Variants in HECW1 observed in about 807,000 individuals in gnomAD.
HECW1 encodes E3 ubiquitin-protein ligase HECW1.
A neutral mutation model predicts 182.3 loss-of-function variants in HECW1; 61 were observed. The ratio of observed to expected loss-of-function variants is 0.33; its 90% CI spans 0.27 to 0.41. The LOEUF (loss-of-function observed/expected upper bound fraction) is 0.41, where lower values mean the gene tolerates loss of function less well. Ranked by LOEUF, HECW1 falls within the 10% of genes least tolerant of loss-of-function variation. The probability of loss-of-function intolerance (pLI) is 1.00; values close to 1 mark genes in which losing one functional copy is unlikely to be tolerated. For synonymous variants in HECW1, 859 were observed against 832.6 expected (o/e 1.03, Z -0.55); for missense variants, 1,739 against 2,108.9 (o/e 0.82, Z 3.44).
chr7:43,325,575 C>T (rs906634611), intron 5 of HECW1, among the ~76,000 whole-genome samples: 1 of 152,130 alleles, frequency 6.6e-6, no homozygotes, highest in Non-Finnish European at 1.5e-5. Context: ...CTGATTACAG[C>T]AAAAAGAGAC....
intron 19 of HECW1, among the ~76,000 whole-genome samples, chr7:43,493,873 T>C (rs1214710897): frequency 2.0e-5 from 3 of 152,206 alleles, no homozygotes; most frequent in Non-Finnish European, 2.9e-5. Context: ...GGAGGCGTGT[T>C]ATTCAACTCT....
chr7:43,540,320 T>C (rs1000224147), intron 24 of HECW1, among the ~76,000 whole-genome samples: 2 of 152,038 alleles, frequency 1.3e-5, no homozygotes, highest in African/African-American at 4.8e-5. Flanking sequence ...CCAGGAAGAC[T>C]CCAGTTATGA....
chr7:43,547,845 T>A (rs768482553), intron 26 of HECW1, among the ~76,000 whole-genome samples: 1 of 152,258 alleles, frequency 6.6e-6, no homozygotes, highest in South Asian at 2.1e-4. Context: ...GGTCCCACAA[T>A]GTTATTCAAA....
intron 3 of HECW1, among the ~76,000 whole-genome samples, chr7:43,281,609 C>G (rs890876935): frequency 6.6e-6 from 1 of 152,040 alleles, no homozygotes; most frequent in Non-Finnish European, 1.5e-5. Context: ...CACTCTCCCT[C>G]AAATGCACTG....
At chr7:43,188,067 T>C (rs11772780) in intron 2 of HECW1, among the ~76,000 whole-genome samples, 36,667 of 152,040 alleles carry the variant, frequency 0.24, 4,621 homozygotes, top group Middle Eastern at 0.27. Flanking sequence ...ATGACAGGAG[T>C]GGCTTACCTT....
At chr7:43,244,009 G>T (rs967669601) in intron 3 of HECW1, 77 bp downstream of exon 3, 2 of 1,196,070 alleles carry the variant, frequency 1.7e-6, no homozygotes, top group Non-Finnish European at 2.5e-6. Flanking sequence ...AATGGAATGT[G>T]CCTCAGCCTA....
intron 20 of HECW1, 52 bp downstream of exon 20, chr7:43,500,834 C>G: frequency 7.0e-7 from 1 of 1,429,298 alleles, no homozygotes; most frequent in Non-Finnish European, 9.9e-7. Flanking sequence ...GGGCAGCTCT[C>G]CTCCATCACG....
intron 5 of HECW1, among the ~76,000 whole-genome samples, chr7:43,360,388 A>C (rs1815717315): frequency 6.6e-6 from 1 of 152,028 alleles, no homozygotes; most frequent in African/African-American, 2.4e-5. Flanking sequence ...ACATCTATAG[A>C]ACTTTGAAGG....
chr7:43,239,525 C>T (rs1798684024), intron 2 of HECW1, among the ~76,000 whole-genome samples: 1 of 152,264 alleles, frequency 6.6e-6, no homozygotes, highest in South Asian at 2.1e-4. Flanking sequence ...CGTAAATTTC[C>T]TTGAGGGGTT....
intron 2 of HECW1, among the ~76,000 whole-genome samples, chr7:43,171,333 G>A (rs185323696): frequency 2.4e-4 from 37 of 152,242 alleles, no homozygotes; most frequent in Non-Finnish European, 2.4e-4. Flanking sequence ...TTAAGATTTC[G>A]TGTGCTGCTT....
At chr7:43,179,857 AT>A (rs879727253) in intron 2 of HECW1, among the ~76,000 whole-genome samples, 68 of 152,224 alleles carry the variant, frequency 4.5e-4, no homozygotes, top group South Asian at 8.3e-4. Flanking sequence ...ATTTATCACC[AT>A]GTAAATCGAC....
intron 17 of HECW1, among the ~76,000 whole-genome samples, chr7:43,481,948 C>A (rs7808663): frequency 8.2e-5 from 12 of 146,524 alleles, no homozygotes; most frequent in African/African-American, 2.8e-4. Context: ...GCACTCCAGC[C>A]TGAGCGACAC....
At chr7:43,480,679 A>G (rs1447867017) in intron 17 of HECW1, among the ~76,000 whole-genome samples, 1 of 135,358 alleles carries the variant, frequency 7.4e-6, no homozygotes, top group East Asian at 2.0e-4. Flanking sequence ...ACACACATAT[A>G]TACGCATATA....
rs369379706 is a variant in HECW1, at chr7:43,536,155, T to A, written c.4020-5008T>A. 2.6e-5 allele frequency among the ~76,000 whole-genome samples: 4 copies of A among 152,246 alleles called. No homozygotes were observed. The East Asian group carries it at 7.7e-4, about 29-fold the overall frequency. ...AAAGGATTTGGTTGTTGTTGTTAAATGTGGGTTCTTGGTATTTTGCTATAT... is the reference window on the plus strand; with the variant it reads ...AAAGGATTTGGTTGTTGTTGTTAAAAGTGGGTTCTTGGTATTTTGCTATAT... On this transcript the variant is annotated intron_variant, in intron 24 of 29. Transcript: ENST00000395891.
chr7:43,336,124 T>TTCTTTCTTTCTCTCTCTC (rs1313057919), intron 5 of HECW1, among the ~76,000 whole-genome samples: 39 of 64,280 alleles, frequency 6.1e-4, no homozygotes, highest in African/African-American at 2.7e-3. Context: ...CTTTCTTTCT[T>TTCTTTCTTTCTCTCTCTC]TCTCTCTCTC....
intron 2 of HECW1, among the ~76,000 whole-genome samples, chr7:43,237,688 A>G (rs1476734298): frequency 6.6e-6 from 1 of 152,170 alleles, no homozygotes; most frequent in Non-Finnish European, 1.5e-5. Flanking sequence ...TATGTGGGAG[A>G]CAGTCAATGC....
chr7:43,131,834 T>A (rs58270213), intron 2 of HECW1, among the ~76,000 whole-genome samples: 2,975 of 152,282 alleles, frequency 0.02, 109 homozygotes, highest in African/African-American at 0.068. Flanking sequence ...AAGATGTTGT[T>A]TTCCTGATCA....
At chr7:43,439,609 A>T (rs1245952688) in intron 9 of HECW1, 2 of 152,288 alleles carry the variant, frequency 1.3e-5, no homozygotes, top group East Asian at 3.8e-4. Flanking sequence ...CATGCATTAG[A>T]TAGATACCAG....
chr7:43,344,236 T>C lies in HECW1; in HGVS notation c.461-16650T>C, dbSNP rs139975817. On this transcript the variant is annotated intron_variant, in intron 5 of 29. Coordinates refer to ENST00000395891, the MANE Select transcript of HECW1 (RefSeq NM_015052.5). ...CTGTTCACTCTGATGGTAGTTTCTT[T>C]TGCTGTGCAGAATCTCTTTAGTTTA... is the stretch of plus-strand genomic sequence containing the variant. 5.2e-4 allele frequency among the ~76,000 whole-genome samples: 79 copies of C among 152,002 alleles called. 1 individual carries two copies. Among genetic ancestry groups the C allele is most frequent in the Non-Finnish European group, 2.2e-4 (15 of 68,030 alleles).
Sources: gnomAD v4.1 joint callset for allele counts (sites outside exome capture counted in the v4.1 genomes callset) on GRCh38, gnomAD v4.1.1 for gene constraint, MANE v1.5 for transcripts, NCBI Gene and HGNC (gene_info 2026-07-23, HGNC 2026-07-21) for gene names.